Variants in PRDM11 observed in about 807,000 individuals in gnomAD.
PRDM11 encodes the protein PR/SET domain 11.
In PRDM11, 20 loss-of-function variants were observed where a neutral mutation model predicts 97.8. The ratio of observed to expected loss-of-function variants is 0.20; its 90% CI spans 0.14 to 0.30. The LOEUF is 0.30. Ranked by LOEUF, PRDM11 falls within the 10% of genes least tolerant of loss-of-function variation. The probability of loss-of-function intolerance (pLI) is 1.00; values close to 1 mark genes in which losing one functional copy is unlikely to be tolerated. For synonymous variants in PRDM11, 599 were observed against 637.7 expected, an observed-to-expected ratio of 0.94 and a Z score of 0.91; for missense variants, 1,139 against 1,555.2, an observed-to-expected ratio of 0.73 and a Z score of 4.50.
chr11:45,124,546 G>A (rs932851290), intron 1 of PRDM11, among the ~76,000 whole-genome samples: 8 of 152,158 alleles, frequency 5.3e-5, no homozygotes, highest in East Asian at 1.9e-4. Flanking sequence ...TTTTTAGCAC[G>A]AAGGGTTGTT....
At chr11:45,170,869 G>A (rs1015962243) in intron 1 of PRDM11, among the ~76,000 whole-genome samples, 8 of 152,086 alleles carry the variant, frequency 5.3e-5, no homozygotes, top group Non-Finnish European at 1.2e-4. Flanking sequence ...GAGGGGTTAG[G>A]TCTGTTCCAT....
At chr11:45,133,389 A>G (rs561129303) in intron 1 of PRDM11, among the ~76,000 whole-genome samples, 62 of 152,272 alleles carry the variant, frequency 4.1e-4, no homozygotes, top group Non-Finnish European at 4.7e-4. Context: ...CTCTTTCTGA[A>G]TGCTCTGCTC....
At chr11:45,197,472 A>G (rs1420384047) in intron 4 of PRDM11, among the ~76,000 whole-genome samples, 2 of 152,184 alleles carry the variant, frequency 1.3e-5, no homozygotes, top group East Asian at 3.8e-4. Context: ...AAAATTTGCT[A>G]AAAGGGTAGA....
chr11:45,199,076 A>C (rs1168321020), intron 4 of PRDM11, among the ~76,000 whole-genome samples: 2 of 152,182 alleles, frequency 1.3e-5, no homozygotes, highest in Admixed American at 1.3e-4. Flanking sequence ...TATTGTCTTT[A>C]TTAATTATTA....
chr11:45,111,202 T>C (rs556380961), intron 1 of PRDM11, among the ~76,000 whole-genome samples: 3 of 142,836 alleles, frequency 2.1e-5, no homozygotes, highest in Admixed American at 7.0e-5. Flanking sequence ...AAGATTTATC[T>C]TTCTTACAAT....
chr11:45,177,885 A>G (rs778679548), intron 1 of PRDM11, among the ~76,000 whole-genome samples: 2 of 151,996 alleles, frequency 1.3e-5, no homozygotes, highest in African/African-American at 2.4e-5. Context: ...CTCTAACACT[A>G]TCTCTGGTTG....
intron 1 of PRDM11, among the ~76,000 whole-genome samples, chr11:45,108,836 G>A (rs1334958758): frequency 2.0e-5 from 3 of 152,218 alleles, no homozygotes; most frequent in Admixed American, 6.5e-5. Flanking sequence ...ACATGCACCC[G>A]CAGGCCAGGC....
rs1196457563 is a variant in PRDM11, at chr11:45,234,036, A to C, written c.*5877A>C. On this transcript the variant is annotated 3_prime_UTR_variant, in exon 8 of 8. Coordinates refer to ENST00000683152, the MANE Select transcript of PRDM11 (RefSeq NM_001384648.1). Reference sequence around the variant, plus strand: ...GGCTGAGCTGGGATACCCCAAGCTCATCCACTTTCGTTGGGGAGGGCCCCT... The same window carrying C: ...GGCTGAGCTGGGATACCCCAAGCTCCTCCACTTTCGTTGGGGAGGGCCCCT... The C allele has an allele frequency of 6.6e-6, 1 of 152,280 alleles. No homozygotes were observed. The highest frequency in any genetic ancestry group is 1.9e-4 in the East Asian group (1 of 5,180). The allele number at this position is 152,280 out of a possible 1,614,324, so 9.4% of individuals were successfully genotyped here.
chr11:45,136,962 G>A (rs1421510643), intron 1 of PRDM11, among the ~76,000 whole-genome samples: 1 of 146,840 alleles, frequency 6.8e-6, no homozygotes, highest in Non-Finnish European at 1.5e-5. Flanking sequence ...GGCCAACATG[G>A]TGAAACCCCT....
intron 1 of PRDM11, among the ~76,000 whole-genome samples, chr11:45,117,111 C>T (rs1852318627): frequency 6.6e-6 from 1 of 151,244 alleles, no homozygotes; most frequent in Non-Finnish European, 1.5e-5. Flanking sequence ...ATAGTCCCAG[C>T]TACTTGGGAG....
intron 1 of PRDM11, among the ~76,000 whole-genome samples, chr11:45,102,637 G>A (rs998533160): frequency 9.9e-5 from 15 of 151,566 alleles, no homozygotes; most frequent in African/African-American, 2.2e-4. Flanking sequence ...CCCTTGCACC[G>A]TGCCACAGCC....
intron 1 of PRDM11, among the ~76,000 whole-genome samples, chr11:45,160,734 C>G (rs1393917096): frequency 6.6e-6 from 1 of 152,206 alleles, no homozygotes; most frequent in Non-Finnish European, 1.5e-5. Flanking sequence ...TCTGGGGAAC[C>G]TTTTGCACTT....
intron 4 of PRDM11, among the ~76,000 whole-genome samples, chr11:45,201,065 A>G (rs1853309418): frequency 6.6e-6 from 1 of 152,180 alleles, no homozygotes; most frequent in African/African-American, 2.4e-5. Context: ...GCTGATTTCA[A>G]GCTACTAGCA....
chr11:45,218,525 G>C, intron 5 of PRDM11, among the ~76,000 whole-genome samples: 1 of 152,214 alleles, frequency 6.6e-6, no homozygotes, highest in East Asian at 1.9e-4. Context: ...CAATCAGACA[G>C]ACTTTGATTT....
rs1303936088 is a variant in PRDM11 at position 45,146,740 on chromosome 11, G to C, written c.-144G>C. The stretch of plus-strand genomic sequence containing the variant: ...GAGGCTGGCGCTGAAACTTTGCCTC[G>C]CCGGGGACCAGCGCGCCCGCAGCGC... On this transcript the variant is annotated 5_prime_UTR_variant, in exon 1 of 8. Coordinates refer to ENST00000683152, the MANE Select transcript of PRDM11 (RefSeq NM_001384648.1). 1.3e-5 allele frequency: 2 copies of C among 149,090 alleles called. No individual in the cohort carries two copies. Among genetic ancestry groups the C allele is most frequent in the Admixed American group, 6.7e-5 (1 of 14,998 alleles). 9.2% of individuals were successfully genotyped at this position (149,090 alleles called of 1,614,324 possible).
chr11:45,102,537 G>GAAGAGCAATA (rs1851995688), intron 1 of PRDM11, among the ~76,000 whole-genome samples: 1 of 152,190 alleles, frequency 6.6e-6, no homozygotes, highest in Admixed American at 6.5e-5. Flanking sequence ...GAAGGGAGTA[G>GAAGAGCAATA]AAGAGCAATA....
At chr11:45,120,824 T>A (rs1331848424) in intron 1 of PRDM11, among the ~76,000 whole-genome samples, 1 of 152,128 alleles carries the variant, frequency 6.6e-6, no homozygotes, top group East Asian at 1.9e-4. Flanking sequence ...ATAATGACAA[T>A]GTATCTTCAG....
Position 45,224,976 on chromosome 11 carries a change from C to T in PRDM11, c.1369+133C>T, listed in dbSNP as rs1024367293. 7.2e-6 allele frequency: 11 copies of T among 1,529,348 alleles called. No individual in the cohort carries two copies. The East Asian group carries it at 1.1e-4, about 16-fold the overall frequency. 94.7% of individuals were successfully genotyped at this position (1,529,348 alleles called of 1,614,324 possible). On this transcript the variant is annotated intron_variant, in intron 7 of 7. Transcript: ENST00000683152. Reference sequence around the variant, plus strand: ...AGTGTAACGTGGAGGCGGCTACCTCCGTGGGTGGGAGCCCAGGTCCTCAGT... The same window carrying T: ...AGTGTAACGTGGAGGCGGCTACCTCTGTGGGTGGGAGCCCAGGTCCTCAGT...
intron 4 of PRDM11, among the ~76,000 whole-genome samples, chr11:45,188,136 G>T (rs1648816424): frequency 6.6e-6 from 1 of 152,132 alleles, no homozygotes; most frequent in African/African-American, 2.4e-5. Context: ...CCCTCCCTCA[G>T]TATATGCACT....
Sources: allele counts gnomAD v4.1 joint callset (sites outside exome capture counted in the v4.1 genomes callset), GRCh38; gene constraint gnomAD v4.1.1; transcripts MANE v1.5; gene names NCBI Gene and HGNC (gene_info 2026-07-23, HGNC 2026-07-21).